Variants in CLIP4 observed in about 807,000 individuals in gnomAD.
CLIP4 encodes CAP-Gly domain-containing linker protein 4.
In CLIP4, 47 loss-of-function variants were observed where a neutral mutation model predicts 73.1. The observed-to-expected ratio is 0.64, with a 90% CI of 0.51 to 0.82. CLIP4 has a LOEUF of 0.82. Among genes scored for constraint, CLIP4 ranks in the 40% least tolerant of loss-of-function variants. CLIP4 has a pLI of 0.00. For missense variants in CLIP4, 874 were observed against 852.9 expected, an observed-to-expected ratio of 1.02 and a Z score of -0.31; for synonymous variants, 306 against 295.4, an observed-to-expected ratio of 1.04 and a Z score of -0.37.
chr2:29,149,226 C>G (rs966688318), intron 8 of CLIP4, among the ~76,000 whole-genome samples: 2 of 152,040 alleles, frequency 1.3e-5, no homozygotes, highest in African/African-American at 4.8e-5. Context: ...GGCTGTTGGG[C>G]CATAGTTTAC....
chr2:29,168,512 CTTTTTTTTTTTT>C (rs35201336), intron 14 of CLIP4, among the ~76,000 whole-genome samples: 1 of 66,760 alleles, frequency 1.5e-5, no homozygotes, highest in African/African-American at 6.6e-5. Context: ...ATGGTTTGCC[CTTTTTTTTTTTT>C]TTTTTTTTTT....
At chr2:29,160,777 A>G (rs761416928) in intron 12 of CLIP4, among the ~76,000 whole-genome samples, 2 of 152,120 alleles carry the variant, frequency 1.3e-5, no homozygotes, top group Non-Finnish European at 2.9e-5. Context: ...TTAGGATTAG[A>G]TTTTTGCTAC....
intron 3 of CLIP4, chr2:29,131,764 C>T (rs1016837858): frequency 8.4e-6 from 2 of 239,172 alleles, no homozygotes; most frequent in Non-Finnish European, 1.6e-5. Flanking sequence ...TGAATGTAGT[C>T]TTTAAGAATA....
chr2:29,105,502 C>T (rs1668174733), intron 1 of CLIP4, among the ~76,000 whole-genome samples: 1 of 152,182 alleles, frequency 6.6e-6, no homozygotes, highest in South Asian at 2.1e-4. Flanking sequence ...GAAACCCATG[C>T]TGGGTTTTCC....
intron 13 of CLIP4, 37 bp from the exon 14 acceptor site, chr2:29,167,439 G>A (rs200568063): frequency 7.0e-5 from 105 of 1,490,894 alleles, no homozygotes; most frequent in Non-Finnish European, 9.3e-5. Flanking sequence ...CTGAAGACCA[G>A]CTACTTCTAA....
At chr2:29,144,269 T>C (rs1291944388) in intron 7 of CLIP4, among the ~76,000 whole-genome samples, 2 of 152,152 alleles carry the variant, frequency 1.3e-5, no homozygotes, top group African/African-American at 4.8e-5. Context: ...CTTTCCCCAG[T>C]GGTACTTCTC....
intron 1 of CLIP4, among the ~76,000 whole-genome samples, chr2:29,099,028 A>G (rs917841259): frequency 6.6e-6 from 1 of 152,218 alleles, no homozygotes; most frequent in African/African-American, 2.4e-5. Context: ...GTGTCTGTTC[A>G]GATCTTTTGC....
Position 29,109,368 on chromosome 2 carries a change from A to AC in CLIP4, c.-16+11421_-16+11422insC, listed in dbSNP as rs1553360490. Among the ~76,000 whole-genome samples, 1,467 of 152,118 alleles carry AC rather than the reference A, an allele frequency of 9.6e-3. 25 individuals are homozygous for AC. Among genetic ancestry groups the AC allele is most frequent in the East Asian group, 0.091 (470 of 5,168 alleles). On this transcript the variant is annotated intron_variant, in intron 1 of 14. Transcript: ENST00000401605. ...TTATGTAGGCTTTAAGAAGACTTCA[A>AC]TTTTTTTTAAAAAATAAAAATACAT...
chr2:29,122,838 A>G (rs1271759159), intron 2 of CLIP4, among the ~76,000 whole-genome samples: 2 of 151,254 alleles, frequency 1.3e-5, no homozygotes, highest in African/African-American at 4.9e-5. Context: ...AAAAAAAAAA[A>G]AAAAAAAAAA....
At chr2:29,149,245 A>G (rs1468598536) in intron 8 of CLIP4, among the ~76,000 whole-genome samples, 5 of 152,152 alleles carry the variant, frequency 3.3e-5, no homozygotes, top group Admixed American at 2.0e-4. Context: ...ACCAACTACT[A>G]TCCTGAGCTT....
At chr2:29,121,253 A>G in intron 1 of CLIP4, 121 bp from the exon 2 acceptor site, 1 of 1,000,222 alleles carries the variant, frequency 1.0e-6, no homozygotes, top group Non-Finnish European at 1.4e-6. Context: ...TTCATAAAAG[A>G]TCCTTACTGA....
At chr2:29,135,161 TGCTGACCCCTGA>T (rs960993812) in intron 5 of CLIP4, among the ~76,000 whole-genome samples, 1 of 152,212 alleles carries the variant, frequency 6.6e-6, no homozygotes, top group African/African-American at 2.4e-5. Context: ...AGTCATAGGT[TGCTGACCCCTGA>T]GCTAAACTCT....
chr2:29,129,975 C>T (rs1487050379), intron 2 of CLIP4: 1 of 470,754 alleles, frequency 2.1e-6, no homozygotes, highest in Non-Finnish European at 4.4e-6. Flanking sequence ...CTTTTTTCAG[C>T]AGCTGCTCTG....
upstream of CLIP4, chr2:29,114,265 A>C (rs371691082): frequency 5.7e-4 from 87 of 152,320 alleles, no homozygotes; most frequent in African/African-American, 1.9e-3. Flanking sequence ...CATTTAAGAG[A>C]GCTCTGGACA....
chr2:29,101,300 CAAAAA>C (rs1174781959), intron 1 of CLIP4, among the ~76,000 whole-genome samples: 3 of 83,554 alleles, frequency 3.6e-5, no homozygotes, highest in Non-Finnish European at 7.7e-5. Context: ...CCCCCCAAAA[CAAAAA>C]AAAAAAGAAA....
chr2:29,131,921 C>T, intron 3 of CLIP4: 1 of 465,778 alleles, frequency 2.1e-6, no homozygotes, highest in South Asian at 4.2e-5. Context: ...GCCAGATTAC[C>T]TTTGGAATAA....
At chr2:29,164,178 C>A (rs192902148) in intron 13 of CLIP4, among the ~76,000 whole-genome samples, 1 of 152,242 alleles carries the variant, frequency 6.6e-6, no homozygotes, top group African/African-American at 2.4e-5. Flanking sequence ...ATTTGCAAAC[C>A]CTATGAGTAT....
chr2:29,183,443 G>A lies in CLIP4; in HGVS notation c.*1550G>A, dbSNP rs1404815323. 1 of 152,542 alleles carries A rather than the reference G, an allele frequency of 6.6e-6. No individual in the cohort carries two copies. Among genetic ancestry groups the A allele is most frequent in the Non-Finnish European group, 1.5e-5 (1 of 68,008 alleles). 9.4% of individuals were successfully genotyped at this position (152,542 alleles called of 1,614,324 possible). On this transcript the variant is annotated 3_prime_UTR_variant, in exon 16 of 16. Transcript: ENST00000320081. ...TCAAGGAATATTTTTATTGATTGAA[G>A]GAAATGACTGTACTGCGATTCAAAA...
rs540193991 is a variant in CLIP4 at position 29,173,059 on chromosome 2, T to C, written c.1724-1314T>C. Among the ~76,000 whole-genome samples, 21 of 152,324 alleles carry C rather than the reference T, an allele frequency of 1.4e-4. No homozygotes were observed. The South Asian group carries it at 2.7e-3, about 20-fold the overall frequency. ...ATCTGTTTCTGTTGAGACTAACTTA[T>C]GGTTTGCCTTCTTTCCTTGTGAGAT... is the stretch of plus-strand genomic sequence containing the variant. On this transcript the variant is annotated intron_variant, in intron 14 of 15. Transcript: ENST00000320081.
Sources: gnomAD v4.1 joint callset for allele counts (sites outside exome capture counted in the v4.1 genomes callset) on GRCh38, gnomAD v4.1.1 for gene constraint, MANE v1.5 for transcripts, NCBI Gene and HGNC (gene_info 2026-07-23, HGNC 2026-07-21) for gene names.